Variants in KCNJ15 observed in about 807,000 individuals in gnomAD.
The protein encoded by KCNJ15 is potassium inwardly rectifying channel subfamily J member 15.
Under a neutral mutation model 23.0 loss-of-function variants are expected in KCNJ15, and 14 were observed. The observed-to-expected ratio is 0.61, with a 90% CI of 0.40 to 0.95. The LOEUF is 0.95. Among genes scored for constraint, KCNJ15 ranks in the 40% least tolerant of loss-of-function variants. KCNJ15 has a pLI of 0.00. For missense variants in KCNJ15, 388 were observed against 461.8 expected (o/e 0.84, Z 1.46); for synonymous variants, 185 against 183.2 (o/e 1.01, Z -0.08).
intron 1 of KCNJ15, among the ~76,000 whole-genome samples, chr21:38,290,273 T>C (rs1045742577): frequency 2.0e-5 from 3 of 152,126 alleles, no homozygotes; most frequent in Non-Finnish European, 4.4e-5. Flanking sequence ...TGATGTTCTA[T>C]GAGATTAAAA....
rs1985885000 is a variant in KCNJ15, at chr21:38,302,678, A to G, written c.*2289A>G. ...TTTACACCTTTTCTGTTGCACTATT[A>G]AATTCTTTTCACAGTATTCATATCA... On this transcript the variant is annotated 3_prime_UTR_variant, in exon 3 of 3. Coordinates refer to ENST00000398938, the MANE Select transcript of KCNJ15 (RefSeq NM_170736.3). 6.6e-6 allele frequency: 1 copy of G among 152,182 alleles called. No individual in the cohort carries two copies. The highest frequency in any genetic ancestry group is 6.5e-5 in the Admixed American group (1 of 15,284). 9.4% of individuals were successfully genotyped at this position (152,182 alleles called of 1,614,324 possible).
intron 1 of KCNJ15, among the ~76,000 whole-genome samples, chr21:38,239,289 TG>T (rs1195997268): frequency 1.3e-5 from 2 of 152,218 alleles, no homozygotes; most frequent in African/African-American, 4.8e-5. Flanking sequence ...CACAGGTTGC[TG>T]TTTGACCACG....
At chr21:38,285,331 G>A (rs982294595) in intron 1 of KCNJ15, among the ~76,000 whole-genome samples, 6 of 152,176 alleles carry the variant, frequency 3.9e-5, no homozygotes, top group East Asian at 1.9e-4. Context: ...CTAATCATAC[G>A]AGCAGGCAGA....
intron 1 of KCNJ15, among the ~76,000 whole-genome samples, chr21:38,266,714 A>G (rs1198786732): frequency 1.3e-5 from 2 of 152,164 alleles, no homozygotes; most frequent in African/African-American, 4.8e-5. Flanking sequence ...CTGGTTCTAG[A>G]TCCTTCCATG....
intron 1 of KCNJ15, among the ~76,000 whole-genome samples, chr21:38,251,096 C>A (rs575123575): frequency 6.6e-6 from 1 of 152,084 alleles, no homozygotes; most frequent in Non-Finnish European, 1.5e-5. Flanking sequence ...AATGATCCGG[C>A]GAGGCTTTCA....
At chr21:38,247,695 A>G (rs1284635220) in intron 1 of KCNJ15, among the ~76,000 whole-genome samples, 1 of 152,220 alleles carries the variant, frequency 6.6e-6, no homozygotes, top group Admixed American at 6.5e-5. Context: ...TATGTTCTTC[A>G]TGGCCACATG....
chr21:38,238,042 G>A lies in KCNJ15; in HGVS notation c.-398-19004G>A, dbSNP rs571427268. On this transcript the variant is annotated intron_variant, in intron 1 of 4. Coordinates refer to the KCNJ15 transcript ENST00000547341. ...TGGAGACTGTAATTTTTTCCCCACC[G>A]TAGGATACTGTTAAGTTTATTCTAG... 3.3e-4 allele frequency: 84 copies of A among 253,294 alleles called. 1 individual carries two copies. The Middle Eastern group carries it at 4.3e-3, about 13-fold the overall frequency. 15.7% of individuals were successfully genotyped at this position (253,294 alleles called of 1,614,324 possible).
intron 1 of KCNJ15, among the ~76,000 whole-genome samples, chr21:38,247,554 AT>A (rs1979525115): frequency 6.6e-6 from 1 of 151,968 alleles, no homozygotes; most frequent in African/African-American, 2.4e-5. Flanking sequence ...GGATGGATGG[AT>A]GGATGGATGG....
intron 1 of KCNJ15, among the ~76,000 whole-genome samples, chr21:38,248,138 C>G (rs1430599444): frequency 1.3e-5 from 2 of 152,224 alleles, no homozygotes; most frequent in Admixed American, 6.5e-5. Context: ...CGCCTTCACA[C>G]AGCAGCACAG....
intron 1 of KCNJ15, among the ~76,000 whole-genome samples, chr21:38,260,642 T>A (rs1490653730): frequency 2.6e-5 from 4 of 152,160 alleles, no homozygotes; most frequent in African/African-American, 9.7e-5. Context: ...CATGCTCACG[T>A]CAGAAGATGC....
chr21:38,236,358 A>C (rs1242082975), intron 1 of KCNJ15, among the ~76,000 whole-genome samples: 1 of 152,250 alleles, frequency 6.6e-6, no homozygotes, highest in Admixed American at 6.5e-5. Context: ...ACCTGATGTC[A>C]TTCTCTTAAT....
intron 1 of KCNJ15, chr21:38,238,388 G>A (rs575006844): frequency 1.4e-6 from 1 of 715,834 alleles, no homozygotes. Context: ...CCATCAGCCA[G>A]AATCAGCACC....
chr21:38,282,084 A>G (rs1444028435), intron 1 of KCNJ15, among the ~76,000 whole-genome samples: 1 of 151,932 alleles, frequency 6.6e-6, no homozygotes, highest in Non-Finnish European at 1.5e-5. Context: ...GTGTCGGTTC[A>G]TTTCCTTTGC....
At chr21:38,286,789 A>G (rs796560055) in intron 1 of KCNJ15, among the ~76,000 whole-genome samples, 2 of 152,370 alleles carry the variant, frequency 1.3e-5, no homozygotes, top group African/African-American at 4.8e-5. Flanking sequence ...ACGATCTCAC[A>G]TGAGGAGAAA....
Position 38,304,579 on chromosome 21 carries a change from C to T in KCNJ15, c.*4190C>T, listed in dbSNP as rs1252643632. ...ATTTTCTTCCTCCCAGGAGGACTTA[C>T]TTACACTTAAAGGTCAAAAGCTTAA... On this transcript the variant is annotated 3_prime_UTR_variant, in exon 3 of 3. Transcript: ENST00000398938. 1 of 147,394 alleles carries T rather than the reference C, an allele frequency of 6.8e-6. No homozygotes were observed. The highest frequency in any genetic ancestry group is 1.5e-5 in the Non-Finnish European group (1 of 66,958). 9.1% of individuals were successfully genotyped at this position (147,394 alleles called of 1,614,324 possible).
Position 38,297,719 on chromosome 21 carries a change from C to T in KCNJ15, c.-19+696C>T, listed in dbSNP as rs145953742. ...CTGTACTTTTCTTCTAACTTGATCC[C>T]AAGAACAGTGGAATTTGCTTCAAGG... On this transcript the variant is annotated intron_variant, in intron 2 of 2. Transcript: ENST00000398938. Among the ~76,000 whole-genome samples the T allele has an allele frequency of 5.2e-3, 795 of 152,280 alleles. 5 individuals are homozygous for T. The highest frequency in any genetic ancestry group is 0.024 in the Middle Eastern group (7 of 294).
At chr21:38,289,499 G>A (rs1469247502) in intron 1 of KCNJ15, among the ~76,000 whole-genome samples, 1 of 152,062 alleles carries the variant, frequency 6.6e-6, no homozygotes, top group African/African-American at 2.4e-5. Context: ...TTGGGAGGTC[G>A]AGGCAGGTGG....
chr21:38,249,675 G>A (rs991122765), intron 1 of KCNJ15, among the ~76,000 whole-genome samples: 1 of 152,216 alleles, frequency 6.6e-6, no homozygotes, highest in Admixed American at 6.5e-5. Context: ...AATTTCAGAA[G>A]CCTGACTTTG....
At position 38,301,465 on chromosome 21, in the gene KCNJ15, G is replaced by A. The variant is rs1391332724; in HGVS notation, c.*1076G>A. 2 of 167,056 alleles carry A rather than the reference G, an allele frequency of 1.2e-5. No homozygotes were observed. Among genetic ancestry groups the A allele is most frequent in the Non-Finnish European group, 2.9e-5 (2 of 68,120 alleles). 10.3% of individuals were successfully genotyped at this position (167,056 alleles called of 1,614,324 possible). ...ATAGGATTATCCCCTGACATTCCAA[G>A]AGCAAAATAAAGCTCTTGAGAGTAA... On this transcript the variant is annotated 3_prime_UTR_variant, in exon 3 of 3. Coordinates refer to ENST00000398938, the MANE Select transcript of KCNJ15 (RefSeq NM_170736.3).
Sources: gnomAD v4.1 joint callset for allele counts (sites outside exome capture counted in the v4.1 genomes callset) on GRCh38, gnomAD v4.1.1 for gene constraint, MANE v1.5 for transcripts, NCBI Gene and HGNC (gene_info 2026-07-23, HGNC 2026-07-21) for gene names.